Variants in RILPL1 observed in about 807,000 individuals in gnomAD.
RILPL1 encodes RILP-like protein 1.
A neutral mutation model predicts 50.3 loss-of-function variants in RILPL1; 33 were observed. The observed-to-expected ratio is 0.66, with a 90% CI of 0.50 to 0.88. The LOEUF is 0.88. RILPL1 is among the 40% of genes least tolerant of loss of function. The pLI is 0.00. For missense variants in RILPL1, 418 were observed against 542.5 expected (o/e 0.77, Z 2.28); for synonymous variants, 205 against 228.6 (o/e 0.90, Z 0.93).
chr12:123,478,859 C>T (rs117858037), intron 6 of RILPL1, among the ~76,000 whole-genome samples: 3 of 152,190 alleles, frequency 2.0e-5, no homozygotes, highest in African/African-American at 4.8e-5. Flanking sequence ...TCACTGGGGA[C>T]GAGGCTGAAG....
chr12:123,512,948 A>G lies in RILPL1; in HGVS notation c.460+10547T>C, dbSNP rs1263116322. Among the ~76,000 whole-genome samples, 10 of 85,492 alleles carry G rather than the reference A, an allele frequency of 1.2e-4. No individual in the cohort carries two copies. In the Admixed American group the frequency reaches 1.2e-3, roughly 10 times the overall value. The allele number at this position is 85,492 out of a possible 152,430, so 56.1% of individuals were successfully genotyped here. ...GACATCTGTGTGTGTGTGGTGTGTG[A>G]GGTCCGTGTGTGTGTGGTGTGTGTG... is the stretch of plus-strand genomic sequence containing the variant. On this transcript the variant is annotated intron_variant, in intron 2 of 6. Transcript: ENST00000376874.
chr12:123,493,746 G>A (rs1353982796), intron 4 of RILPL1, among the ~76,000 whole-genome samples: 4 of 151,206 alleles, frequency 2.6e-5, no homozygotes, highest in Admixed American at 2.0e-4. Context: ...CACAGGACCC[G>A]GCCCGATGCC....
At position 123,494,149 on chromosome 12, in the gene RILPL1, C is replaced by T. The variant is rs189148759; in HGVS notation, c.801+4395G>A. 5.5e-4 allele frequency among the ~76,000 whole-genome samples: 84 copies of T among 152,234 alleles called. 1 individual carries two copies. Among genetic ancestry groups the T allele is most frequent in the Middle Eastern group, 3.4e-3 (1 of 294 alleles). On this transcript the variant is annotated intron_variant, in intron 4 of 6. Coordinates refer to ENST00000376874, the MANE Select transcript of RILPL1 (RefSeq NM_178314.5). Reference sequence around the variant, plus strand: ...CTTATACTCCTCTCTCCCAGCTGCGCGAAACAGTGAACCTACTGAGTCAAG... The same window carrying T: ...CTTATACTCCTCTCTCCCAGCTGCGTGAAACAGTGAACCTACTGAGTCAAG...
intron 6 of RILPL1, among the ~76,000 whole-genome samples, chr12:123,480,651 T>C (rs1049013441): frequency 3.3e-5 from 5 of 151,812 alleles, no homozygotes; most frequent in Admixed American, 1.3e-4. Context: ...CATCCTCACA[T>C]AGGAGTGGGG....
chr12:123,482,145 T>C (rs1882044094), intron 6 of RILPL1, among the ~76,000 whole-genome samples: 1 of 152,180 alleles, frequency 6.6e-6, no homozygotes, highest in Non-Finnish European at 1.5e-5. Context: ...GTGCTGGGAT[T>C]ACAGGCGTGA....
intron 2 of RILPL1, chr12:123,515,399 T>C (rs746640997): frequency 2.0e-5 from 3 of 151,846 alleles, no homozygotes; most frequent in Admixed American, 6.6e-5. Flanking sequence ...TTGTGCTTAG[T>C]TTTATCTGAC....
At chr12:123,476,949 G>A (rs550515851) in intron 6 of RILPL1, among the ~76,000 whole-genome samples, 26 of 152,158 alleles carry the variant, frequency 1.7e-4, no homozygotes, top group African/African-American at 6.3e-4. Context: ...CTGGCAAGGG[G>A]GCCTTTCAGT....
chr12:123,511,962 ATCTG>A (rs1477324702), intron 2 of RILPL1, among the ~76,000 whole-genome samples: 2 of 46,028 alleles, frequency 4.3e-5, no homozygotes, highest in Non-Finnish European at 7.9e-5. Context: ...GTGGTGTGAG[ATCTG>A]TGTGTGTGTG....
chr12:123,477,253 G>A (rs1881655007), intron 6 of RILPL1, among the ~76,000 whole-genome samples: 3 of 152,014 alleles, frequency 2.0e-5, no homozygotes, highest in Non-Finnish European at 4.4e-5. Context: ...GAGGTTTGGC[G>A]ATGTTCCAGG....
At chr12:123,476,058 C>A (rs1881574263) in intron 6 of RILPL1, 1 of 264,132 alleles carries the variant, frequency 3.8e-6, no homozygotes. Flanking sequence ...GCGTTTGCCA[C>A]CACGCCTGGC....
chr12:123,501,338 A>G (rs1233195991), intron 2 of RILPL1, among the ~76,000 whole-genome samples: 1 of 151,704 alleles, frequency 6.6e-6, no homozygotes, highest in African/African-American at 2.4e-5. Context: ...TCAGCTACTT[A>G]GGAGGCTGAC....
chr12:123,488,888 C>T (rs1882517097), intron 4 of RILPL1, among the ~76,000 whole-genome samples: 1 of 152,180 alleles, frequency 6.6e-6, no homozygotes. Context: ...AGAAAGTATT[C>T]TAGGCGTCTG....
rs564690773 is a variant in RILPL1, at chr12:123,533,246, C to T, written c.237G>A (p.Glu79=). ...GCAGGCGGTCCAGCTCCAGGCGCAG[C>T]TCGTCCAGCTCGGGCGCGACGTGGT... is the stretch of plus-strand genomic sequence containing the variant. ...SRHHVAPELD[E]LRLELDRLRL... The change falls in exon 1 of 7, where the codon GAG becomes GAA. Residue 79 remains glutamate (E), a synonymous_variant. Coordinates refer to ENST00000376874, the MANE Select transcript of RILPL1 (RefSeq NM_178314.5). The surrounding 1 kb of genome is among the most constrained non-coding windows in gnomAD (Gnocchi z 6.2). 1.3e-6 allele frequency: 2 copies of T among 1,593,038 alleles called. No homozygotes were observed. The highest frequency in any genetic ancestry group is 2.3e-5 in the South Asian group (2 of 88,884).
Position 123,530,210 on chromosome 12 carries a change from G to C in RILPL1, c.309+2964C>G, listed in dbSNP as rs546812254. ...AGACAGAGTCTCACTCTGTCACCCA[G>C]GCTGGAGTGCAATGGTGTGATTTCG... On this transcript the variant is annotated intron_variant, in intron 1 of 6. Coordinates refer to ENST00000376874, the MANE Select transcript of RILPL1 (RefSeq NM_178314.5). 2.6e-5 allele frequency among the ~76,000 whole-genome samples: 4 copies of C among 152,270 alleles called. No homozygotes were observed. The East Asian group carries it at 7.7e-4, about 29-fold the overall frequency.
chr12:123,480,881 G>C (rs2139312007), intron 6 of RILPL1, among the ~76,000 whole-genome samples: 1 of 152,220 alleles, frequency 6.6e-6, no homozygotes, highest in Middle Eastern at 3.4e-3. Flanking sequence ...CACTTGAACT[G>C]GATGGAGGTA....
At chr12:123,524,107 G>A (rs575909292) in intron 1 of RILPL1, among the ~76,000 whole-genome samples, 1 of 152,234 alleles carries the variant, frequency 6.6e-6, no homozygotes, top group African/African-American at 2.4e-5. Flanking sequence ...GCGTTCCTTA[G>A]GTATCTGATC....
intron 2 of RILPL1, among the ~76,000 whole-genome samples, chr12:123,502,799 A>G (rs1160608833): frequency 1.3e-5 from 2 of 152,258 alleles, no homozygotes; most frequent in Non-Finnish European, 2.9e-5. Flanking sequence ...ATTTTCTCAT[A>G]GCTCTAGAAG....
Position 123,470,788 on chromosome 12 carries a change from AAG to A in RILPL1, c.*1748_*1749del, listed in dbSNP as rs376558825. The A allele has an allele frequency of 1.4e-4, 21 of 152,144 alleles. No individual in the cohort carries two copies. The highest frequency in any genetic ancestry group is 4.8e-4 in the African/African-American group (20 of 41,424). 9.4% of individuals were successfully genotyped at this position (152,144 alleles called of 1,614,324 possible). A position where few individuals can be genotyped will look rare whatever the true frequency, so the allele number is the denominator to read the frequency against. ...AATAGAGCAAGACTATCTCAAAAAA[AAG>A]AGAGACATTTAGTGTTTAGGAAAGA... On this transcript the variant is annotated 3_prime_UTR_variant, in exon 7 of 7. Coordinates refer to ENST00000376874, the MANE Select transcript of RILPL1 (RefSeq NM_178314.5).
At chr12:123,482,287 T>G (rs1314061307) in intron 6 of RILPL1, among the ~76,000 whole-genome samples, 1 of 152,182 alleles carries the variant, frequency 6.6e-6, no homozygotes, top group Non-Finnish European at 1.5e-5. Flanking sequence ...TCTGGTGCCA[T>G]GCGTCTTCCC....
Sources: allele counts gnomAD v4.1 joint callset (sites outside exome capture counted in the v4.1 genomes callset), GRCh38; gene constraint gnomAD v4.1.1; non-coding constraint Gnocchi (gnomAD v3.1); transcripts MANE v1.5; gene names NCBI Gene and HGNC (gene_info 2026-07-23, HGNC 2026-07-21).